The following GATAD1 variants were observed in gnomAD, a reference collection of about 807,000 sequenced individuals.
The protein encoded by GATAD1 is GATA zinc finger domain-containing protein 1.
In GATAD1, 12 loss-of-function variants were observed where a neutral mutation model predicts 26.5. The observed-to-expected ratio is 0.45, with a 90% CI of 0.29 to 0.73. The LOEUF (loss-of-function observed/expected upper bound fraction) is 0.73. GATAD1 is among the 30% of genes least tolerant of loss of function. The pLI is 0.10. For missense variants in GATAD1, 266 were observed against 342.1 expected (o/e 0.78, Z 1.75); for synonymous variants, 129 against 133.1 (o/e 0.97, Z 0.21).
the GATAD1 span, among the ~76,000 whole-genome samples, chr7:92,490,853 T>C: frequency 2.0e-5 from 3 of 152,338 alleles, no homozygotes; most frequent in Non-Finnish European, 4.4e-5. Flanking sequence ...GTACACTTCA[T>C]TGTGCTTACT....
chr7:92,478,940 G>A, the GATAD1 span, among the ~76,000 whole-genome samples: 3 of 152,174 alleles, frequency 2.0e-5, no homozygotes, highest in African/African-American at 4.8e-5. Context: ...AAGGGCTGAG[G>A]TGGGAGGGCC....
At chr7:92,487,201 ATAT>A in the GATAD1 span, 2 of 251,694 alleles carry the variant, frequency 7.9e-6, no homozygotes, top group East Asian at 1.5e-4. Context: ...CATTTGGCTA[ATAT>A]TATTTCATTA....
chr7:92,454,529 G>GT lies in GATAD1; in HGVS notation c.466dup (p.Ser156PhefsTer4). On this transcript the variant is annotated frameshift_variant, in exon 4 of 5. Transcript: ENST00000287957. LOFTEE classifies it high-confidence loss of function. Reference sequence around the variant, plus strand: ...AGTATATTACCAAATTGGTGATGTTGTTTCTGTGATTGATGAACAAGATGG... The same window carrying GT: ...AGTATATTACCAAATTGGTGATGTTGTTTTCTGTGATTGATGAACAAGATGG... The GT allele has an allele frequency of 6.2e-7, 1 of 1,612,476 alleles. No homozygotes were observed. The highest frequency in any genetic ancestry group is 8.5e-7 in the Non-Finnish European group (1 of 1,178,568).
At chr7:92,475,747 G>T in the GATAD1 span, among the ~76,000 whole-genome samples, 1 of 152,008 alleles carries the variant, frequency 6.6e-6, no homozygotes, top group Non-Finnish European at 1.5e-5. Context: ...TTGCCTTTGC[G>T]CTCAGGGGTG....
downstream of GATAD1, chr7:92,462,946 A>G (rs146502836): frequency 6.6e-6 from 1 of 152,216 alleles, no homozygotes; most frequent in Non-Finnish European, 1.5e-5. Flanking sequence ...AGGCTACGGT[A>G]TTTTGTTGCA....
the GATAD1 span, among the ~76,000 whole-genome samples, chr7:92,465,452 T>C: frequency 1.3e-5 from 2 of 152,062 alleles, no homozygotes; most frequent in East Asian, 1.9e-4. Flanking sequence ...ACCCCATCTC[T>C]ACTAAAAATA....
At chr7:92,472,972 A>G in the GATAD1 span, 1 of 152,224 alleles carries the variant, frequency 6.6e-6, no homozygotes, top group Admixed American at 6.5e-5. Flanking sequence ...GTGTCCAGGT[A>G]TGAGGATTGG....
chr7:92,448,101 G>A lies in GATAD1; in HGVS notation c.249+123G>A, dbSNP rs1186609197. The A allele has an allele frequency of 1.1e-5, 7 of 638,450 alleles. No individual in the cohort carries two copies. In the African/African-American group the frequency reaches 1.2e-4, roughly 11 times the overall value. The allele number at this position is 638,450 out of a possible 1,614,324, so 39.5% of individuals were successfully genotyped here. Reference sequence around the variant, plus strand: ...TCGCCGTGCTCCTGCTGGCTGGAACGCCCCTCCCCACCTCCTACTGAGATC... The same window carrying A: ...TCGCCGTGCTCCTGCTGGCTGGAACACCCCTCCCCACCTCCTACTGAGATC... On this transcript the variant is annotated intron_variant, in intron 1 of 4. Coordinates refer to ENST00000287957, the MANE Select transcript of GATAD1 (RefSeq NM_021167.5).
At chr7:92,468,768 A>G in the GATAD1 span, 1 of 731,910 alleles carries the variant, frequency 1.4e-6, no homozygotes, top group Non-Finnish European at 2.5e-6. Context: ...GACCGCTCTA[A>G]CTGCTTCCTG....
At chr7:92,482,908 C>T in the GATAD1 span, among the ~76,000 whole-genome samples, 55 of 151,954 alleles carry the variant, frequency 3.6e-4, no homozygotes, top group Admixed American at 5.2e-4. Context: ...GGAAACAGGC[C>T]CTTGAAAAGA....
the GATAD1 span, among the ~76,000 whole-genome samples, chr7:92,482,923 G>T: frequency 3.3e-5 from 5 of 152,184 alleles, no homozygotes; most frequent in Admixed American, 2.0e-4. Context: ...AAAAGAAGGT[G>T]ATGTGGAGTG....
chr7:92,473,339 G>A, the GATAD1 span: 6 of 152,118 alleles, frequency 3.9e-5, no homozygotes, highest in African/African-American at 1.4e-4. Flanking sequence ...GTTTTACTAG[G>A]CCTTGGGCTT....
the GATAD1 span, chr7:92,478,077 T>C: frequency 1.3e-5 from 2 of 152,204 alleles, no homozygotes; most frequent in Non-Finnish European, 1.5e-5. Flanking sequence ...GCTCTCTGAT[T>C]GGTCAGGTGT....
At chr7:92,481,212 G>C in the GATAD1 span, among the ~76,000 whole-genome samples, 1 of 152,162 alleles carries the variant, frequency 6.6e-6, no homozygotes, top group Non-Finnish European at 1.5e-5. Context: ...TGGGGAAATG[G>C]GGTGAATGTC....
At chr7:92,477,793 G>A in the GATAD1 span, 8 of 181,396 alleles carry the variant, frequency 4.4e-5, no homozygotes, top group Non-Finnish European at 7.7e-5. Flanking sequence ...GCAGGTCTGC[G>A]GTGGTGGCAA....
At chr7:92,452,126 A>G (rs1222171085) in intron 3 of GATAD1, among the ~76,000 whole-genome samples, 3 of 152,252 alleles carry the variant, frequency 2.0e-5, no homozygotes, top group African/African-American at 7.2e-5. Flanking sequence ...GTATTTGTGC[A>G]TTACCTTCAC....
chr7:92,489,796 C>T, the GATAD1 span: 1 of 1,614,030 alleles, frequency 6.2e-7, no homozygotes, highest in Non-Finnish European at 8.5e-7. Context: ...AAGTTCTTGG[C>T]AACCCTCTTG....
chr7:92,491,636 C>G, the GATAD1 span: 13 of 644,122 alleles, frequency 2.0e-5, no homozygotes, highest in Non-Finnish European at 3.0e-5. Flanking sequence ...CTCATTAATT[C>G]TCTAACGGTT....
the GATAD1 span, chr7:92,470,204 G>A: frequency 1.3e-6 from 1 of 778,468 alleles, no homozygotes; most frequent in South Asian, 1.3e-5. Context: ...GTGAAGGTGG[G>A]GGTTCCCTTA....
Sources: allele counts gnomAD v4.1 joint callset (sites outside exome capture counted in the v4.1 genomes callset), GRCh38; gene constraint gnomAD v4.1.1; transcripts MANE v1.5; gene names NCBI Gene and HGNC (gene_info 2026-07-23, HGNC 2026-07-21).